The following WSB2 variants were observed in gnomAD, a reference collection of about 807,000 sequenced individuals.
WSB2 encodes WD repeat and SOCS box containing 2, also known as WD repeat and SOCS box-containing protein 2.
Under a neutral mutation model 48.8 loss-of-function variants are expected in WSB2, and 12 were observed. The observed-to-expected ratio is 0.25, with a 90% CI of 0.16 to 0.40. The LOEUF (loss-of-function observed/expected upper bound fraction) is 0.40, where lower values mean the gene tolerates loss of function less well. Among genes scored for constraint, WSB2 ranks in the 10% least tolerant of loss-of-function variants. The pLI is 1.00. For synonymous variants in WSB2, 191 were observed against 203.1 expected, an observed-to-expected ratio of 0.94 and a Z score of 0.51; for missense variants, 317 against 506.2, an observed-to-expected ratio of 0.63 and a Z score of 3.59.
At chr12:118,040,422 G>C (rs911315850) in intron 4 of WSB2, among the ~76,000 whole-genome samples, 1 of 152,074 alleles carries the variant, frequency 6.6e-6, no homozygotes, top group African/African-American at 2.4e-5. Context: ...ACCTTCCTGA[G>C]ATGGTGGCAA....
intron 4 of WSB2, 43 bp from the exon 5 acceptor site, chr12:118,038,431 A>G: frequency 6.3e-7 from 1 of 1,587,888 alleles, no homozygotes; most frequent in Non-Finnish European, 8.6e-7. Context: ...TCCTCAACAA[A>G]GCAGGAAGAC....
chr12:118,041,622 C>G (rs371563655), intron 4 of WSB2, among the ~76,000 whole-genome samples: 3 of 152,082 alleles, frequency 2.0e-5, no homozygotes, highest in African/African-American at 7.2e-5. Flanking sequence ...TCCAATCCCT[C>G]CAGCCCCTGA....
Position 118,035,276 on chromosome 12 carries a change from G to A in WSB2, c.882C>T (p.Ser294=), listed in dbSNP as rs1329346211. 1.2e-6 allele frequency: 2 copies of A among 1,614,240 alleles called. No individual in the cohort carries two copies. Among genetic ancestry groups the A allele is most frequent in the South Asian group, 2.2e-5 (2 of 91,086 alleles). Residue 294 remains serine (S), a synonymous_variant, in exon 7 of 9, where the codon AGC becomes AGT. Transcript: ENST00000315436. ...PAMDDSDVHI[S]SLRSVCFSPE... ...GAGAGAAGCACACAGATCTCAGTGA[G>A]CTAATGTGGACGTCACTGTCATCCA... is the stretch of plus-strand genomic sequence containing the variant.
intron 2 of WSB2, among the ~76,000 whole-genome samples, chr12:118,048,435 A>G (rs922602828): frequency 6.6e-5 from 10 of 151,926 alleles, no homozygotes. Context: ...TAAAAATACA[A>G]AAAAATTAGC....
upstream of WSB2, among the ~76,000 whole-genome samples, chr12:118,061,537 G>A (rs1394228409): frequency 6.6e-6 from 1 of 151,324 alleles, no homozygotes; most frequent in African/African-American, 2.4e-5. Flanking sequence ...GGGAAAAGGG[G>A]AGCGATAGAA....
chr12:118,057,621 A>G (rs2031980582), intron 1 of WSB2, among the ~76,000 whole-genome samples: 2 of 152,134 alleles, frequency 1.3e-5, no homozygotes. Context: ...ATTATGGAAT[A>G]TAACATGTTT....
chr12:118,033,478 G>A lies in WSB2; in HGVS notation c.*718C>T, dbSNP rs1181154544. 1 of 152,032 alleles carries A rather than the reference G, an allele frequency of 6.6e-6. No individual in the cohort carries two copies. Among genetic ancestry groups the A allele is most frequent in the Non-Finnish European group, 1.5e-5 (1 of 67,992 alleles). The allele number at this position is 152,032 out of a possible 1,614,324, so 9.4% of individuals were successfully genotyped here. A position where few individuals can be genotyped will look rare whatever the true frequency, so the allele number is the denominator to read the frequency against. On this transcript the variant is annotated 3_prime_UTR_variant, in exon 9 of 9. Coordinates refer to ENST00000315436, the MANE Select transcript of WSB2 (RefSeq NM_018639.5). ...TCAGTAGCCATCTGAATAGTCATGC[G>A]GTTTAAGAATACATCCTTGTATAAT...
intron 2 of WSB2, among the ~76,000 whole-genome samples, chr12:118,046,415 GT>G (rs1305225940): frequency 6.7e-6 from 1 of 149,340 alleles, no homozygotes; most frequent in African/African-American, 2.5e-5. Flanking sequence ...GTGAACCGAG[GT>G]TGCACCACTG....
chr12:118,034,733 T>G, intron 8 of WSB2: 1 of 538,170 alleles, frequency 1.9e-6, no homozygotes, highest in Non-Finnish European at 3.3e-6. Flanking sequence ...ATCATCTCAA[T>G]TTTATTCTCC....
rs1282211420 is a variant in WSB2, at chr12:118,043,241, T to C, written c.319A>G (p.Ser107Gly). 1 of 1,614,222 alleles carries C rather than the reference T, an allele frequency of 6.2e-7. No individual in the cohort carries two copies. The highest frequency in any genetic ancestry group is 2.2e-5 in the East Asian group (1 of 44,880). ...TGGTGGCGTGCCCAGAGCTTCCTGCTGGGTGGGGAAGGCCACGGGCTGAAG... is the reference window on the plus strand; with the variant it reads ...TGGTGGCGTGCCCAGAGCTTCCTGCCGGGTGGGGAAGGCCACGGGCTGAAG... ...LAFSPWPSPP[S>G]RKLWARHHPQ... The change falls in exon 3 of 9, where the codon AGC (serine) becomes GGC (glycine). Residue 107 changes from serine to glycine, a missense_variant. Physicochemically the swap from Ser to Gly is moderately conservative, Grantham distance 56. Transcript: ENST00000315436.
chr12:118,037,946 A>G, intron 5 of WSB2: 1 of 192,342 alleles, frequency 5.2e-6, no homozygotes, highest in Non-Finnish European at 1.1e-5. Context: ...GAGGGATTCA[A>G]ATTTGATGGT....
intron 1 of WSB2, among the ~76,000 whole-genome samples, chr12:118,056,758 G>A (rs866589097): frequency 2.0e-5 from 3 of 151,978 alleles, no homozygotes; most frequent in Non-Finnish European, 2.9e-5. Flanking sequence ...AAAATTAGCC[G>A]GGCATAGTGG....
intron 5 of WSB2, 45 bp from the exon 6 acceptor site, chr12:118,036,555 T>C (rs2031515989): frequency 6.4e-7 from 1 of 1,557,842 alleles, no homozygotes; most frequent in African/African-American, 1.4e-5. Context: ...AGCAAAGTGC[T>C]TAGGACTCAA....
chr12:118,053,666 C>T (rs779421796), intron 1 of WSB2, among the ~76,000 whole-genome samples: 5 of 152,176 alleles, frequency 3.3e-5, no homozygotes, highest in Non-Finnish European at 7.3e-5. Flanking sequence ...CAGTTCTCTA[C>T]TCTGATGGAA....
rs142701119 is a variant in WSB2, at chr12:118,051,467, C to T, written c.182+843G>A. 8.5e-5 allele frequency among the ~76,000 whole-genome samples: 13 copies of T among 152,184 alleles called. No homozygotes were observed. The East Asian group carries it at 2.3e-3, about 27-fold the overall frequency. Reference sequence around the variant, plus strand: ...TGAAATACTAGTATATGCTAGAATACGGATGAACTGTGAAAACATTATGTA... The same window carrying T: ...TGAAATACTAGTATATGCTAGAATATGGATGAACTGTGAAAACATTATGTA... On this transcript the variant is annotated intron_variant, in intron 2 of 8. Transcript: ENST00000315436.
chr12:118,055,977 G>C (rs1164429719), intron 1 of WSB2, among the ~76,000 whole-genome samples: 2 of 150,918 alleles, frequency 1.3e-5, no homozygotes, highest in African/African-American at 4.9e-5. Flanking sequence ...GTTTACAAAA[G>C]ACTTGCCAAA....
At chr12:118,040,921 C>T (rs1166901943) in intron 4 of WSB2, among the ~76,000 whole-genome samples, 3 of 152,194 alleles carry the variant, frequency 2.0e-5, no homozygotes, top group Non-Finnish European at 2.9e-5. Flanking sequence ...TGGTGGCTTA[C>T]GCCTGTAGTC....
At chr12:118,046,254 A>G (rs2031743331) in intron 2 of WSB2, among the ~76,000 whole-genome samples, 1 of 152,006 alleles carries the variant, frequency 6.6e-6, no homozygotes, top group African/African-American at 2.4e-5. Flanking sequence ...TGAGGTCGGG[A>G]GTTTGAGACC....
rs942599154 is a variant in WSB2, at chr12:118,060,854, A to C, written c.13+182T>G. On this transcript the variant is annotated intron_variant, in intron 1 of 8. Transcript: ENST00000315436. This position sits in a 1 kb window ranked among gnomAD's most constrained non-coding sequence, Gnocchi z 4.1. ...CGGCCACTGACAACGAAAGTGAAAC[A>C]AAGCTGGTCGCCGGGCGCGCACCCC... Among the ~76,000 whole-genome samples the C allele has an allele frequency of 6.6e-6, 1 of 151,542 alleles. No individual in the cohort carries two copies. The highest frequency in any genetic ancestry group is 2.4e-5 in the African/African-American group (1 of 41,332).
Sources: allele counts gnomAD v4.1 joint callset (sites outside exome capture counted in the v4.1 genomes callset), GRCh38; gene constraint gnomAD v4.1.1; non-coding constraint Gnocchi (gnomAD v3.1); transcripts MANE v1.5; gene names NCBI Gene and HGNC (gene_info 2026-07-23, HGNC 2026-07-21).